The following GALNT17 variants were observed in gnomAD, a reference collection of about 807,000 sequenced individuals.
GALNT17 encodes UDP-GalNAc:polypeptide N-acetylgalactosaminyltransferase-like 3.
In GALNT17, 29 loss-of-function variants were observed where a neutral mutation model predicts 63.7. That is an observed-to-expected ratio of 0.46 (90% CI 0.34 to 0.62). The LOEUF (loss-of-function observed/expected upper bound fraction) is 0.62, where lower values mean the gene tolerates loss of function less well. Ranked by LOEUF, GALNT17 falls within the 20% of genes least tolerant of loss-of-function variation. The pLI is 0.01. For synonymous variants in GALNT17, 305 were observed against 318.3 expected (o/e 0.96, Z 0.45); for missense variants, 603 against 799.6 (o/e 0.75, Z 2.97).
intron 5 of GALNT17, among the ~76,000 whole-genome samples, chr7:71,557,654 G>A (rs192860421): frequency 5.0e-4 from 76 of 152,192 alleles, no homozygotes; most frequent in South Asian, 3.1e-3. Flanking sequence ...AGCCAGGCCC[G>A]GTGGCGTGTG....
intron 1 of GALNT17, among the ~76,000 whole-genome samples, chr7:71,214,144 G>C (rs1395468433): frequency 6.6e-6 from 1 of 152,146 alleles, no homozygotes; most frequent in Non-Finnish European, 1.5e-5. Flanking sequence ...CTTGGAATTG[G>C]CATTTAAACT....
In GALNT17 at chr7:71,420,786, T is replaced by C; in HGVS notation, c.765-122T>C. The C allele has an allele frequency of 2.5e-6, 3 of 1,200,296 alleles. No individual in the cohort carries two copies. In the East Asian group the frequency reaches 7.0e-5, roughly 28 times the overall value. The allele number at this position is 1,200,296 out of a possible 1,614,324, so 74.4% of individuals were successfully genotyped here. On this transcript the variant is annotated intron_variant, in intron 4 of 10. Transcript: ENST00000333538. ...GTCCCTGGGAGCCTCAGTTTGCATC[T>C]GAGTTCCAGCCTTCCCAAAGCCCAG...
intron 5 of GALNT17, among the ~76,000 whole-genome samples, chr7:71,499,567 T>C (rs1042107311): frequency 2.6e-5 from 4 of 152,176 alleles, no homozygotes; most frequent in African/African-American, 9.7e-5. Flanking sequence ...AATGATACGA[T>C]TGTTTTATAA....
intron 5 of GALNT17, among the ~76,000 whole-genome samples, chr7:71,508,569 G>C (rs80275132): frequency 0.025 from 3,837 of 152,188 alleles, 60 homozygotes; most frequent in African/African-American, 0.038. Flanking sequence ...CGGCCCATGG[G>C]TGGTTAGCAG....
At chr7:71,544,446 C>T (rs920193049) in intron 5 of GALNT17, among the ~76,000 whole-genome samples, 11 of 152,118 alleles carry the variant, frequency 7.2e-5, no homozygotes, top group Non-Finnish European at 1.5e-4. Flanking sequence ...CCGGCCAAGG[C>T]ATGATTTCAC....
At chr7:71,456,984 G>C (rs1427977961) in intron 5 of GALNT17, among the ~76,000 whole-genome samples, 1 of 152,188 alleles carries the variant, frequency 6.6e-6, no homozygotes, top group African/African-American at 2.4e-5. Flanking sequence ...GAGACAGAAG[G>C]TTGAATTCTT....
In GALNT17 at chr7:71,588,616, C is replaced by A. The variant is rs1455978677; in HGVS notation, c.1080+17214C>A. 2.0e-5 allele frequency among the ~76,000 whole-genome samples: 3 copies of A among 152,230 alleles called. No homozygotes were observed. The East Asian group carries it at 5.8e-4, about 29-fold the overall frequency. On this transcript the variant is annotated intron_variant, in intron 6 of 10. Transcript: ENST00000333538. ...AGGTATTGCTGTGTAGTCACAGCCA[C>A]ATGCACCAAACACTCTGCTTTTAGG...
intron 8 of GALNT17, 84 bp downstream of exon 8, chr7:71,670,193 C>A: frequency 6.4e-7 from 1 of 1,556,858 alleles, no homozygotes; most frequent in South Asian, 1.1e-5. Flanking sequence ...TAGAGTTGCT[C>A]ATTCATTCAT....
intron 1 of GALNT17, among the ~76,000 whole-genome samples, chr7:71,329,986 T>C (rs1474094947): frequency 4.7e-5 from 1 of 21,488 alleles, no homozygotes; most frequent in Admixed American, 4.7e-4. Context: ...TGTGTGTGTG[T>C]ATATATATAC....
At chr7:71,247,866 G>C (rs757058219) in intron 1 of GALNT17, among the ~76,000 whole-genome samples, 2 of 152,194 alleles carry the variant, frequency 1.3e-5, no homozygotes, top group Non-Finnish European at 2.9e-5. Flanking sequence ...AGGCGAGCTA[G>C]AGAAAAGAAA....
chr7:71,177,501 T>C (rs60129386), intron 1 of GALNT17, among the ~76,000 whole-genome samples: 3,414 of 152,242 alleles, frequency 0.022, 94 homozygotes, highest in African/African-American at 0.067. Context: ...TTAGAAAGCA[T>C]TGAAATACCG....
At chr7:71,468,612 T>A (rs2116606229) in intron 5 of GALNT17, among the ~76,000 whole-genome samples, 1 of 151,880 alleles carries the variant, frequency 6.6e-6, no homozygotes, top group Non-Finnish European at 1.5e-5. Flanking sequence ...AGCCATAGTT[T>A]CACCATGTTA....
At chr7:71,652,552 G>A (rs1479141363) in intron 6 of GALNT17, among the ~76,000 whole-genome samples, 2 of 152,128 alleles carry the variant, frequency 1.3e-5, no homozygotes, top group East Asian at 3.9e-4. Context: ...CAAATGATTG[G>A]TAGGATGCGA....
At chr7:71,578,740 T>C (rs946451960) in intron 6 of GALNT17, among the ~76,000 whole-genome samples, 3 of 152,160 alleles carry the variant, frequency 2.0e-5, no homozygotes, top group African/African-American at 7.2e-5. Flanking sequence ...CCCTGTCTCT[T>C]GTTCTTAGTT....
At chr7:71,529,018 C>A (rs1327327710) in intron 5 of GALNT17, among the ~76,000 whole-genome samples, 1 of 151,914 alleles carries the variant, frequency 6.6e-6, no homozygotes, top group Non-Finnish European at 1.5e-5. Context: ...GCCTGTAGAC[C>A]CAGCTACTAA....
chr7:71,220,204 G>A (rs1789558275), intron 1 of GALNT17, among the ~76,000 whole-genome samples: 3 of 152,216 alleles, frequency 2.0e-5, no homozygotes, highest in Admixed American at 6.5e-5. Context: ...TCACACAGCC[G>A]AATCATGACT....
At chr7:71,274,693 C>T (rs1371895027) in intron 1 of GALNT17, among the ~76,000 whole-genome samples, 1 of 152,128 alleles carries the variant, frequency 6.6e-6, no homozygotes, top group Non-Finnish European at 1.5e-5. Flanking sequence ...TTAAAAGATG[C>T]CCCCTGGCTG....
chr7:71,484,785 C>T (rs188606577), intron 5 of GALNT17, among the ~76,000 whole-genome samples: 3 of 142,954 alleles, frequency 2.1e-5, no homozygotes, highest in East Asian at 2.1e-4. Flanking sequence ...ACACTGGGAA[C>T]CCAGCATCAG....
rs557290203 is a variant in GALNT17 at position 71,658,047 on chromosome 7, G to A, written c.1081-7364G>A. On this transcript the variant is annotated intron_variant, in intron 6 of 10. Coordinates refer to ENST00000333538, the MANE Select transcript of GALNT17 (RefSeq NM_022479.3). ...AGCCTCCTGAGTAGATGAGACCACCGCCATGTGCCACCACACCTGGCTAAT... is the reference window on the plus strand; with the variant it reads ...AGCCTCCTGAGTAGATGAGACCACCACCATGTGCCACCACACCTGGCTAAT... Among the ~76,000 whole-genome samples, 264 of 152,130 alleles carry A rather than the reference G, an allele frequency of 1.7e-3. 1 individual carries two copies. The highest frequency in any genetic ancestry group is 6.0e-3 in the African/African-American group (250 of 41,520).
Sources: gnomAD v4.1 joint callset for allele counts (sites outside exome capture counted in the v4.1 genomes callset) on GRCh38, gnomAD v4.1.1 for gene constraint, MANE v1.5 for transcripts, NCBI Gene and HGNC (gene_info 2026-07-23, HGNC 2026-07-21) for gene names.